The following TENM3 variants were observed in gnomAD, a reference collection of about 807,000 sequenced individuals.
The protein encoded by TENM3 is teneurin transmembrane protein 3, also known as teneurin-3.
Under a neutral mutation model 255.1 loss-of-function variants are expected in TENM3, and 63 were observed. The observed-to-expected ratio is 0.25, with a 90% CI of 0.20 to 0.30. The LOEUF is 0.30. Among genes scored for constraint, TENM3 ranks in the 10% least tolerant of loss-of-function variants. The probability of loss-of-function intolerance (pLI) is 1.00; values close to 1 mark genes in which losing one functional copy is unlikely to be tolerated. For missense variants in TENM3, 2,929 were observed against 3,461.1 expected, an observed-to-expected ratio of 0.85 and a Z score of 3.86; for synonymous variants, 1,306 against 1,322.3, an observed-to-expected ratio of 0.99 and a Z score of 0.27.
chr4:181,938,439 A>C, the TENM3 span, among the ~76,000 whole-genome samples: 2 of 152,244 alleles, frequency 1.3e-5, no homozygotes, highest in Non-Finnish European at 2.9e-5. Context: ...CAAGGGGATC[A>C]GAGATAATAC....
intron 3 of TENM3, among the ~76,000 whole-genome samples, chr4:182,521,067 A>C (rs1360695952): frequency 6.6e-6 from 1 of 152,214 alleles, no homozygotes. Flanking sequence ...TCAGATTTGC[A>C]TCAGAAAGGT....
the TENM3 span, among the ~76,000 whole-genome samples, chr4:181,787,257 A>G: frequency 7.9e-5 from 12 of 152,264 alleles, no homozygotes; most frequent in South Asian, 8.3e-4. Flanking sequence ...CAATTAAGAT[A>G]CCAAATGATA....
intron 1 of TENM3, among the ~76,000 whole-genome samples, chr4:182,250,644 C>T (rs562652129): frequency 7.9e-5 from 12 of 152,232 alleles, no homozygotes; most frequent in East Asian, 7.7e-4. Flanking sequence ...AGAATTCTTA[C>T]GTGTGAATGA....
intron 3 of TENM3, among the ~76,000 whole-genome samples, chr4:182,437,974 A>G (rs918749275): frequency 2.0e-5 from 3 of 152,228 alleles, no homozygotes; most frequent in South Asian, 2.1e-4. Flanking sequence ...AAATAAATAA[A>G]GCAACAGAAA....
intron 3 of TENM3, among the ~76,000 whole-genome samples, chr4:182,529,037 C>G (rs928140884): frequency 6.6e-6 from 1 of 152,200 alleles, no homozygotes; most frequent in Admixed American, 6.5e-5. Context: ...GCTGCGGTAA[C>G]AAATTTTTGT....
Position 182,738,418 on chromosome 4 carries a change from T to C in TENM3, c.3253T>C (p.Tyr1085His), listed in dbSNP as rs1298436078. The change falls in exon 18 of 28, where the codon TAT becomes CAT. Residue 1085 changes from tyrosine to histidine, a missense_variant. Physicochemically the swap from Tyr to His is moderately conservative, Grantham distance 83. Coordinates refer to ENST00000511685, the MANE Select transcript of TENM3 (RefSeq NM_001080477.4). The part of the protein sequence containing the change: ...SEAVVSVGYE[Y>H]ESCLDLTLWE... ...GATTCCAGTGTCAGTTGGATATGAGTATGAGTCGTGTTTGGACCTGACTCT... is the reference window on the plus strand; with the variant it reads ...GATTCCAGTGTCAGTTGGATATGAGCATGAGTCGTGTTTGGACCTGACTCT... 1.2e-6 allele frequency: 2 copies of C among 1,611,872 alleles called. No homozygotes were observed. The highest frequency in any genetic ancestry group is 1.7e-6 in the Non-Finnish European group (2 of 1,178,978).
chr4:182,680,219 C>A, intron 8 of TENM3, 29 bp from the exon 9 acceptor site: 1 of 1,496,488 alleles, frequency 6.7e-7, no homozygotes, highest in Non-Finnish European at 9.3e-7. Flanking sequence ...GGCTATACAA[C>A]AAGTGTTCCT....
the TENM3 span, among the ~76,000 whole-genome samples, chr4:181,450,546 C>T: frequency 0.55 from 84,204 of 151,886 alleles, 23,572 homozygotes; most frequent in Middle Eastern, 0.63. Flanking sequence ...CAAGGAGAAA[C>T]GTGTGGCCAT....
chr4:181,491,227 A>G, the TENM3 span, among the ~76,000 whole-genome samples: 27 of 152,116 alleles, frequency 1.8e-4, no homozygotes, highest in Middle Eastern at 3.4e-3. Flanking sequence ...ATTATAGTAA[A>G]ATTAAAGTTT....
chr4:181,960,816 AT>A, the TENM3 span, among the ~76,000 whole-genome samples: 3 of 152,148 alleles, frequency 2.0e-5, no homozygotes, highest in Non-Finnish European at 4.4e-5. Context: ...TTGACCACAT[AT>A]TTTTTTAGAG....
At chr4:181,744,602 G>A in the TENM3 span, among the ~76,000 whole-genome samples, 1 of 152,288 alleles carries the variant, frequency 6.6e-6, no homozygotes, top group East Asian at 1.9e-4. Flanking sequence ...CTAAACAAGA[G>A]AAAGGGCAGA....
At chr4:182,765,436 A>C (rs1418685292) in intron 22 of TENM3, among the ~76,000 whole-genome samples, 1 of 152,040 alleles carries the variant, frequency 6.6e-6, no homozygotes. Flanking sequence ...ATTTTGCATC[A>C]CTTTCTGTAT....
the TENM3 span, among the ~76,000 whole-genome samples, chr4:182,086,456 T>C: frequency 6.6e-6 from 1 of 152,180 alleles, no homozygotes; most frequent in Admixed American, 6.5e-5. Context: ...GTGTATCTGC[T>C]CTCATGTGCA....
At chr4:182,510,499 A>G (rs182723355) in intron 3 of TENM3, among the ~76,000 whole-genome samples, 27 of 152,292 alleles carry the variant, frequency 1.8e-4, no homozygotes, top group Middle Eastern at 3.4e-3. Context: ...AGAATTGATT[A>G]ATTTTCTAGT....
At chr4:182,321,206 A>G (rs1763027609) in intron 1 of TENM3, among the ~76,000 whole-genome samples, 1 of 152,220 alleles carries the variant, frequency 6.6e-6, no homozygotes, top group African/African-American at 2.4e-5. Flanking sequence ...TCTGTCAGAA[A>G]GAATGTACCT....
chr4:182,747,349 C>G (rs1039060492), intron 19 of TENM3, among the ~76,000 whole-genome samples: 1 of 152,096 alleles, frequency 6.6e-6, no homozygotes, highest in African/African-American at 2.4e-5. Flanking sequence ...TCTGTTATAT[C>G]AAACTAATAA....
chr4:181,484,498 A>G, the TENM3 span, among the ~76,000 whole-genome samples: 1 of 152,158 alleles, frequency 6.6e-6, no homozygotes, highest in Admixed American at 6.6e-5. Context: ...TACAATATTT[A>G]CATGCTGCGG....
intron 13 of TENM3, among the ~76,000 whole-genome samples, chr4:182,726,826 T>TA (rs1760232828): frequency 6.6e-6 from 1 of 152,216 alleles, no homozygotes; most frequent in Non-Finnish European, 1.5e-5. Flanking sequence ...CTGGGCAATT[T>TA]AATTCAACTT....
the TENM3 span, among the ~76,000 whole-genome samples, chr4:182,057,376 C>T: frequency 6.8e-6 from 1 of 147,314 alleles, no homozygotes; most frequent in Non-Finnish European, 1.5e-5. Flanking sequence ...CCAAATCTTT[C>T]TTTATCTTTT....
Sources: allele counts gnomAD v4.1 joint callset (sites outside exome capture counted in the v4.1 genomes callset), GRCh38; gene constraint gnomAD v4.1.1; transcripts MANE v1.5; gene names NCBI Gene and HGNC (gene_info 2026-07-23, HGNC 2026-07-21).